Variants in RASEF observed in about 807,000 individuals in gnomAD.
RASEF encodes RAS and EF-hand domain containing.
A neutral mutation model predicts 90.1 loss-of-function variants in RASEF; 68 were observed. That is an observed-to-expected ratio of 0.75 (90% CI 0.62 to 0.92). The LOEUF (loss-of-function observed/expected upper bound fraction) is 0.92, where lower values mean the gene tolerates loss of function less well. Ranked by LOEUF, RASEF falls within the 40% of genes least tolerant of loss-of-function variation. The probability of loss-of-function intolerance (pLI) is 0.00; values close to 1 mark genes in which losing one functional copy is unlikely to be tolerated. For missense variants in RASEF, 949 were observed against 937.2 expected (o/e 1.01, Z -0.16); for synonymous variants, 331 against 345.2 (o/e 0.96, Z 0.46).
chr9:83,169,198 C>T, the RASEF span, among the ~76,000 whole-genome samples: 1 of 151,958 alleles, frequency 6.6e-6, no homozygotes, highest in Non-Finnish European at 1.5e-5. Context: ...TTTTTTATGG[C>T]TGAAAAATTT....
intron 1 of RASEF, among the ~76,000 whole-genome samples, chr9:83,033,249 C>T (rs553951024): frequency 1.3e-4 from 20 of 152,192 alleles, no homozygotes; most frequent in East Asian, 3.9e-4. Flanking sequence ...ATCCAAGGGG[C>T]GCCATGAGAG....
chr9:83,083,714 A>G, the RASEF span, among the ~76,000 whole-genome samples: 3 of 152,192 alleles, frequency 2.0e-5, no homozygotes, highest in Non-Finnish European at 4.4e-5. Flanking sequence ...TGCTGGCTAC[A>G]TATTTAAGGG....
chr9:83,017,499 CA>C (rs35361702), intron 3 of RASEF, among the ~76,000 whole-genome samples: 39 of 144,710 alleles, frequency 2.7e-4, no homozygotes, highest in African/African-American at 3.1e-4. Flanking sequence ...GACTCTGTCT[CA>C]AAAAAAAAAA....
At chr9:83,135,463 C>A in the RASEF span, among the ~76,000 whole-genome samples, 7 of 151,522 alleles carry the variant, frequency 4.6e-5, no homozygotes, top group Non-Finnish European at 7.4e-5. Context: ...CTGCACGTTG[C>A]GCACATGTAC....
chr9:83,031,731 C>A (rs750914639), intron 1 of RASEF, among the ~76,000 whole-genome samples: 1 of 152,144 alleles, frequency 6.6e-6, no homozygotes, highest in East Asian at 1.9e-4. Flanking sequence ...GGATTACCCA[C>A]GTTACAAGAG....
the RASEF span, among the ~76,000 whole-genome samples, chr9:83,147,891 C>T: frequency 6.6e-6 from 1 of 152,000 alleles, no homozygotes; most frequent in Non-Finnish European, 1.5e-5. Flanking sequence ...GAACTCCTCT[C>T]CGACCATCCC....
At chr9:83,173,421 T>G in the RASEF span, among the ~76,000 whole-genome samples, 1 of 151,842 alleles carries the variant, frequency 6.6e-6, no homozygotes, top group African/African-American at 2.4e-5. Context: ...ATGTACTTTA[T>G]TCTTTTTCAT....
At chr9:83,130,059 C>T in the RASEF span, among the ~76,000 whole-genome samples, 1 of 152,158 alleles carries the variant, frequency 6.6e-6, no homozygotes, top group Non-Finnish European at 1.5e-5. Context: ...TCAGTTGCCT[C>T]AGTAGTACAA....
chr9:83,019,071 G>A (rs1222231767), intron 3 of RASEF, among the ~76,000 whole-genome samples: 1 of 151,936 alleles, frequency 6.6e-6, no homozygotes, highest in African/African-American at 2.4e-5. Context: ...AAAATCTTGA[G>A]TTAAAGATTT....
the RASEF span, among the ~76,000 whole-genome samples, chr9:83,171,287 A>G: frequency 1.3e-5 from 2 of 151,958 alleles, no homozygotes; most frequent in African/African-American, 4.8e-5. Flanking sequence ...CCACTTGATA[A>G]TAATGAATAA....
the RASEF span, among the ~76,000 whole-genome samples, chr9:83,101,076 A>T: frequency 6.6e-6 from 1 of 152,190 alleles, no homozygotes; most frequent in Non-Finnish European, 1.5e-5. Flanking sequence ...TCACACAGAT[A>T]CTAGGAGATT....
At chr9:83,011,576 A>AC (rs1829247036) in intron 5 of RASEF, among the ~76,000 whole-genome samples, 1 of 147,888 alleles carries the variant, frequency 6.8e-6, no homozygotes, top group Non-Finnish European at 1.5e-5. Flanking sequence ...AAAAAAAAAA[A>AC]CTGAAATTTT....
At chr9:83,118,850 T>C in the RASEF span, among the ~76,000 whole-genome samples, 8 of 152,166 alleles carry the variant, frequency 5.3e-5, no homozygotes, top group African/African-American at 1.9e-4. Context: ...CCAAATATAA[T>C]AGGACATAAA....
chr9:83,148,528 G>C, the RASEF span, among the ~76,000 whole-genome samples: 1 of 152,104 alleles, frequency 6.6e-6, no homozygotes, highest in African/African-American at 2.4e-5. Context: ...GAGAGGCATG[G>C]AACAGATTCC....
intron 3 of RASEF, among the ~76,000 whole-genome samples, chr9:83,021,794 G>A (rs1829449290): frequency 6.6e-6 from 1 of 152,196 alleles, no homozygotes; most frequent in African/African-American, 2.4e-5. Flanking sequence ...ATAAAAACTT[G>A]AGCATGCAGA....
chr9:83,162,184 G>A, the RASEF span, among the ~76,000 whole-genome samples: 1 of 152,104 alleles, frequency 6.6e-6, no homozygotes, highest in South Asian at 2.1e-4. Flanking sequence ...TCCAGGTTTA[G>A]AGAACATAGT....
chr9:83,099,128 A>G, the RASEF span, among the ~76,000 whole-genome samples: 1 of 152,204 alleles, frequency 6.6e-6, no homozygotes, highest in African/African-American at 2.4e-5. Flanking sequence ...CTATCTATCC[A>G]TATATCTATG....
chr9:82,995,356 T>G (rs1828895817), intron 14 of RASEF, among the ~76,000 whole-genome samples: 1 of 152,240 alleles, frequency 6.6e-6, no homozygotes, highest in Non-Finnish European at 1.5e-5. Flanking sequence ...TAGGGTTATC[T>G]GTTATTCTCT....
Position 82,997,144 on chromosome 9 carries a change from ACAT to A in RASEF, c.1806-21_1806-19del, listed in dbSNP as rs1447419928. 1 of 1,461,712 alleles carries A rather than the reference ACAT, an allele frequency of 6.8e-7. No individual in the cohort carries two copies. Among genetic ancestry groups the A allele is most frequent in the South Asian group, 1.1e-5 (1 of 87,988 alleles). 90.5% of individuals were successfully genotyped at this position (1,461,712 alleles called of 1,614,324 possible). A position where few individuals can be genotyped will look rare whatever the true frequency, so the allele number is the denominator to read the frequency against. ...TTCTGAATCTGAGAAAGAGAAAACCACATCATCAGTCAGTTTGTGTTGCCTCAT... is the reference window on the plus strand; with the variant it reads ...TTCTGAATCTGAGAAAGAGAAAACCACATCAGTCAGTTTGTGTTGCCTCAT... On this transcript the variant is annotated intron_variant, in intron 13 of 16. Transcript: ENST00000376447.
Sources: gnomAD v4.1 joint callset for allele counts (sites outside exome capture counted in the v4.1 genomes callset) on GRCh38, gnomAD v4.1.1 for gene constraint, MANE v1.5 for transcripts, NCBI Gene and HGNC (gene_info 2026-07-23, HGNC 2026-07-21) for gene names.